The following KAZN variants were observed in gnomAD, a reference collection of about 807,000 sequenced individuals.
KAZN encodes the protein kazrin.
KAZN carries 40 observed loss-of-function variants against 87.4 expected under a neutral mutation model. That is an observed-to-expected ratio of 0.46 (90% confidence interval 0.36 to 0.60). KAZN has a LOEUF of 0.60. Ranked by LOEUF, KAZN falls within the 20% of genes least tolerant of loss-of-function variation. The pLI is 0.00. For missense variants in KAZN, 898 were observed against 1,073.9 expected, an observed-to-expected ratio of 0.84 and a Z score of 2.29; for synonymous variants, 466 against 458.3, an observed-to-expected ratio of 1.02 and a Z score of -0.22.
intron 2 of KAZN, among the ~76,000 whole-genome samples, chr1:14,229,568 C>T (rs1199483677): frequency 3.3e-5 from 5 of 152,126 alleles, no homozygotes; most frequent in Non-Finnish European, 7.4e-5. Flanking sequence ...TGGCAAACAA[C>T]GTCTCTAATG....
chr1:14,432,898 T>C (rs1666158387), intron 2 of KAZN, among the ~76,000 whole-genome samples: 1 of 152,158 alleles, frequency 6.6e-6, no homozygotes, highest in Non-Finnish European at 1.5e-5. Flanking sequence ...GCAAAGGACA[T>C]GATCTTATTC....
intron 2 of KAZN, among the ~76,000 whole-genome samples, chr1:14,384,290 A>G (rs1022378162): frequency 6.6e-6 from 1 of 151,882 alleles, no homozygotes; most frequent in African/African-American, 2.4e-5. Flanking sequence ...CTCTTTTCCT[A>G]ATTGAATACC....
intron 3 of KAZN, among the ~76,000 whole-genome samples, chr1:15,043,473 TACTC>T (rs1673127459): frequency 1.3e-5 from 2 of 152,080 alleles, no homozygotes; most frequent in Admixed American, 6.6e-5. Context: ...TTTGCCAACT[TACTC>T]ATTCATGCAG....
chr1:14,018,396 C>T (rs970031679), intron 1 of KAZN, among the ~76,000 whole-genome samples: 3 of 152,112 alleles, frequency 2.0e-5, no homozygotes, highest in Non-Finnish European at 4.4e-5. Context: ...TATCAATCTC[C>T]CAGTGTGAAC....
chr1:14,967,067 T>G (rs1013705585), intron 2 of KAZN, among the ~76,000 whole-genome samples: 16 of 152,194 alleles, frequency 1.1e-4, no homozygotes, highest in Admixed American at 1.0e-3. Flanking sequence ...GAGGCTTTGA[T>G]GCAGGCAGAT....
chr1:14,725,775 C>T (rs1307309749), intron 1 of KAZN, among the ~76,000 whole-genome samples: 4 of 152,142 alleles, frequency 2.6e-5, no homozygotes, highest in Admixed American at 2.6e-4. Context: ...GTCAAAGCCA[C>T]CTGGGGATCT....
intron 2 of KAZN, among the ~76,000 whole-genome samples, chr1:14,967,552 C>T (rs1014808650): frequency 2.6e-5 from 4 of 152,138 alleles, no homozygotes; most frequent in Non-Finnish European, 5.9e-5. Context: ...GCTTGCCAAT[C>T]GGATATCCCT....
intron 4 of KAZN, 121 bp from the exon 5 acceptor site, chr1:15,055,954 GACGCTCGATGCCGAGC>G: frequency 1.2e-6 from 1 of 804,542 alleles, no homozygotes; most frequent in Non-Finnish European, 2.0e-6. Flanking sequence ...CTTACCAATT[GACGCTCGATGCCGAGC>G]CAGCAATACC....
At chr1:14,877,619 G>C (rs1652913565) in intron 1 of KAZN, among the ~76,000 whole-genome samples, 1 of 152,160 alleles carries the variant, frequency 6.6e-6, no homozygotes, top group Non-Finnish European at 1.5e-5. Context: ...TCAAGTCCTG[G>C]CTCCTCCCTT....
intron 1 of KAZN, among the ~76,000 whole-genome samples, chr1:13,894,663 T>G (rs749331825): frequency 1.3e-5 from 2 of 152,214 alleles, no homozygotes; most frequent in Admixed American, 1.3e-4. Context: ...ATTAGGAGTC[T>G]GGGGGCCTGA....
At chr1:14,078,324 T>C (rs912239754) in intron 1 of KAZN, among the ~76,000 whole-genome samples, 2 of 152,196 alleles carry the variant, frequency 1.3e-5, no homozygotes, top group African/African-American at 4.8e-5. Flanking sequence ...ATCCACAGCA[T>C]TCAGCATCGT....
At chr1:14,385,001 A>G (rs970553288) in intron 2 of KAZN, among the ~76,000 whole-genome samples, 7 of 150,834 alleles carry the variant, frequency 4.6e-5, no homozygotes, top group African/African-American at 1.7e-4. Context: ...AGATCCTGTT[A>G]TTGGTCTATT....
chr1:14,728,260 T>A (rs1186562506), intron 1 of KAZN, among the ~76,000 whole-genome samples: 1 of 128,390 alleles, frequency 7.8e-6, no homozygotes, highest in Non-Finnish European at 1.6e-5. Flanking sequence ...CACTCTAGCC[T>A]GGGCAGCAAG....
chr1:14,328,748 G>A (rs1656625764), intron 2 of KAZN, among the ~76,000 whole-genome samples: 3 of 55,926 alleles, frequency 5.4e-5, no homozygotes, highest in African/African-American at 1.2e-4. Flanking sequence ...ATCCCTAACT[G>A]AAAAAAAAAA....
At chr1:13,898,567 G>A (rs540543266) in intron 1 of KAZN, among the ~76,000 whole-genome samples, 15 of 152,342 alleles carry the variant, frequency 9.8e-5, no homozygotes, top group Middle Eastern at 3.4e-3. Flanking sequence ...GGCCCAGCTC[G>A]TGGAGGGTGG....
chr1:13,942,401 G>A lies in KAZN; in HGVS notation c.91+48645G>A, dbSNP rs561322274. The stretch of plus-strand genomic sequence containing the variant: ...TAAAAATACAAAAAATTAGCCGGGC[G>A]TGGTGGCGGGCGCCTGTAGTCCCAG... On this transcript the variant is annotated intron_variant, in intron 1 of 16. Transcript: ENST00000636203. Among the ~76,000 whole-genome samples the A allele has an allele frequency of 7.8e-3, 1,153 of 147,246 alleles. 31 individuals are homozygous for A. Among genetic ancestry groups the A allele is most frequent in the African/African-American group, 0.025 (979 of 39,588 alleles).
chr1:14,514,344 T>TGCAAAA (rs1553182416), intron 2 of KAZN, among the ~76,000 whole-genome samples: 1 of 19,642 alleles, frequency 5.1e-5, no homozygotes, highest in Non-Finnish European at 1.0e-4. Context: ...ATATATATAT[T>TGCAAAA]TATATATATT....
chr1:14,551,606 T>G (rs1383718461), intron 2 of KAZN, among the ~76,000 whole-genome samples: 1 of 152,194 alleles, frequency 6.6e-6, no homozygotes, highest in Non-Finnish European at 1.5e-5. Flanking sequence ...TTCGTTCCTT[T>G]CTAGGTCAAG....
At chr1:14,399,159 T>C (rs554054351) in intron 2 of KAZN, among the ~76,000 whole-genome samples, 113 of 152,156 alleles carry the variant, frequency 7.4e-4, no homozygotes, top group African/African-American at 2.7e-3. Flanking sequence ...CTGCCATGCC[T>C]GGCTAGTTTA....
Sources: allele counts gnomAD v4.1 joint callset (sites outside exome capture counted in the v4.1 genomes callset), GRCh38; gene constraint gnomAD v4.1.1; transcripts MANE v1.5; gene names NCBI Gene and HGNC (gene_info 2026-07-23, HGNC 2026-07-21).